HYDIN: variants seen among roughly 807,000 people sequenced by gnomAD.
HYDIN encodes HYDIN axonemal central pair apparatus protein, also known as axonemal central pair apparatus protein HYDIN.
Under a neutral mutation model 403.9 loss-of-function variants are expected in HYDIN, and 132 were observed. That is an observed-to-expected ratio of 0.33 (90% CI 0.28 to 0.38). The LOEUF is 0.38. Ranked by LOEUF, HYDIN falls within the 10% of genes least tolerant of loss-of-function variation. HYDIN has a pLI of 1.00. For missense variants in HYDIN, 2,827 were observed against 5,009.5 expected (o/e 0.56, Z 13.15); for synonymous variants, 1,202 against 1,891.7 (o/e 0.64, Z 9.46).
chr16:70,994,560 G>A (rs1297781572), intron 23 of HYDIN, among the ~76,000 whole-genome samples: 2 of 150,026 alleles, frequency 1.3e-5, no homozygotes, highest in Admixed American at 6.6e-5. Flanking sequence ...ATGTTGGGCT[G>A]GGTGCTAACA....
chr16:70,893,017 A>T (rs1479489283), intron 55 of HYDIN, among the ~76,000 whole-genome samples: 1 of 152,196 alleles, frequency 6.6e-6, no homozygotes, highest in Non-Finnish European at 1.5e-5. Context: ...AAGCTGGCTC[A>T]TGAGACCGGC....
At chr16:71,097,526 G>T (rs895527947) in intron 10 of HYDIN, among the ~76,000 whole-genome samples, 1 of 148,260 alleles carries the variant, frequency 6.7e-6, no homozygotes, top group Non-Finnish European at 1.5e-5. Flanking sequence ...ACATTACTCA[G>T]CTTATCATTT....
chr16:70,844,187 T>C (rs2038037549), intron 75 of HYDIN, among the ~76,000 whole-genome samples: 1 of 131,782 alleles, frequency 7.6e-6, no homozygotes, highest in South Asian at 2.1e-4. Context: ...GTCTAACGTT[T>C]AAGTCTTTAA....
rs1202642372 is a variant in HYDIN at position 70,981,403 on chromosome 16, T to G, written c.4498A>C (p.Arg1500=). The stretch of plus-strand genomic sequence containing the variant: ...TGTGAAGTACTACCTGTGAGGTTCC[T>G]GGGGAGATCGAGGCAGATTTGGGGA... ...IFPQICLDLP[R]NLTANEKYEM... is the part of the protein sequence containing the mutation. Residue 1500 remains arginine (R), a synonymous_variant, in exon 29 of 86, where the codon AGG becomes CGG. Transcript: ENST00000393567. 1 of 1,613,406 alleles carries G rather than the reference T, an allele frequency of 6.2e-7. No homozygotes were observed. Among genetic ancestry groups the G allele is most frequent in the Non-Finnish European group, 8.5e-7 (1 of 1,179,766 alleles).
In HYDIN at chr16:70,923,469, CAA is replaced by C. The variant is rs59968942; in HGVS notation, c.7159-2254_7159-2253del. ...GGCAACAAGAGTGAAACTCCATCTC[CAA>C]AAAAAAAAAAAAAAAAAAGAAAGAA... On this transcript the variant is annotated intron_variant, in intron 45 of 85. Transcript: ENST00000393567. 3.8e-3 allele frequency among the ~76,000 whole-genome samples: 106 copies of C among 28,262 alleles called. 3 individuals carry two copies. The highest frequency in any genetic ancestry group is 0.012 in the African/African-American group (95 of 7,948). The allele number at this position is 28,262 out of a possible 152,430, so 18.5% of individuals were successfully genotyped here.
At chr16:70,967,957 A>T (rs895337612) in intron 36 of HYDIN, among the ~76,000 whole-genome samples, 2 of 151,124 alleles carry the variant, frequency 1.3e-5, no homozygotes, top group Non-Finnish European at 1.5e-5. Flanking sequence ...GCAGAAACAA[A>T]TGTATCATTG....
chr16:70,981,476 G>T lies in HYDIN; in HGVS notation c.4425C>A (p.Ile1475=). The part of the protein sequence containing the change: ...EVFKRSFQIQ[I]AHLDPENITL... ...TGATATTTTCTGGGTCCAGGTGGGC[G>T]ATCTGTATCTGGAAACTCCTTTTAA... is the stretch of plus-strand genomic sequence containing the variant. The change falls in exon 29 of 86, where the codon ATC becomes ATA. Residue 1475 remains isoleucine, a synonymous_variant. Coordinates refer to ENST00000393567, the MANE Select transcript of HYDIN (RefSeq NM_001270974.2). 1 of 1,613,952 alleles carries T rather than the reference G, an allele frequency of 6.2e-7. No homozygotes were observed. The highest frequency in any genetic ancestry group is 8.5e-7 in the Non-Finnish European group (1 of 1,179,972).
intron 18 of HYDIN, among the ~76,000 whole-genome samples, chr16:71,045,015 G>A (rs1228763242): frequency 6.6e-6 from 1 of 151,530 alleles, no homozygotes; most frequent in African/African-American, 2.4e-5. Flanking sequence ...CTTGTTCCTA[G>A]TGTGCATCCT....
chr16:70,974,797 C>T, intron 31 of HYDIN, 127 bp from the exon 32 acceptor site: 2 of 714,848 alleles, frequency 2.8e-6, no homozygotes, highest in East Asian at 2.7e-5. Flanking sequence ...TGGAGAACAA[C>T]AAATGGCTAC....
chr16:71,139,095 G>GA (rs71758936), intron 7 of HYDIN, among the ~76,000 whole-genome samples: 2,415 of 103,572 alleles, frequency 0.023, 61 homozygotes, highest in East Asian at 0.13. Flanking sequence ...AAATAAAGAA[G>GA]AAAAAAAAAA....
At chr16:70,934,159 G>A (rs2077432220) in intron 45 of HYDIN, among the ~76,000 whole-genome samples, 1 of 152,026 alleles carries the variant, frequency 6.6e-6, no homozygotes, top group Admixed American at 6.6e-5. Flanking sequence ...CATTAGATCT[G>A]GAAATGGAGA....
chr16:70,867,083 C>T (rs1268164749), intron 66 of HYDIN, among the ~76,000 whole-genome samples: 1 of 135,440 alleles, frequency 7.4e-6, no homozygotes, highest in Admixed American at 7.3e-5. Context: ...TATTTGCAGA[C>T]AAATAATATG....
intron 17 of HYDIN, among the ~76,000 whole-genome samples, chr16:71,061,672 G>C (rs929746058): frequency 6.6e-6 from 1 of 151,952 alleles, no homozygotes; most frequent in African/African-American, 2.4e-5. Context: ...GCTCAGGTGA[G>C]CAGTGAAGGA....
rs900353679 is a variant in HYDIN at position 70,804,802 on chromosome 16, T to A, written c.*2778A>T. ...GAGTGTGCTGCAACCTGGGTTCGTT[T>A]TTGTTTCTCCCCCTCCCTTCTCCCT... On this transcript the variant is annotated 3_prime_UTR_variant, in exon 86 of 86. Transcript: ENST00000393567. Among the ~76,000 whole-genome samples the A allele has an allele frequency of 5.3e-5, 8 of 152,152 alleles. No individual in the cohort carries two copies. The highest frequency in any genetic ancestry group is 1.0e-4 in the Non-Finnish European group (7 of 68,034).
At chr16:71,065,686 A>G (rs1378106345) in intron 15 of HYDIN, among the ~76,000 whole-genome samples, 2 of 152,146 alleles carry the variant, frequency 1.3e-5, no homozygotes, top group African/African-American at 2.4e-5. Context: ...TAAAATGAGG[A>G]TAATTCTAGG....
intron 5 of HYDIN, among the ~76,000 whole-genome samples, chr16:71,174,218 A>T (rs1028965882): frequency 6.6e-6 from 1 of 152,228 alleles, no homozygotes; most frequent in African/African-American, 2.4e-5. Context: ...CAATGGTATT[A>T]TTATAACGGA....
chr16:71,192,102 G>A (rs2087466172), intron 1 of HYDIN, among the ~76,000 whole-genome samples: 1 of 152,098 alleles, frequency 6.6e-6, no homozygotes. Flanking sequence ...ACCTGCCCCA[G>A]TTCACACAGT....
Position 70,829,620 on chromosome 16 carries a change from G to A in HYDIN, c.14110C>T (p.Gln4704Ter). 6.2e-7 allele frequency: 1 copy of A among 1,612,524 alleles called. No individual in the cohort carries two copies. Residue 4704 changes from glutamine to a stop codon, truncating the protein, a stop_gained and splice_region_variant, in exon 81 of 86, where the codon CAG becomes TAG. Transcript: ENST00000393567. LOFTEE classifies it high-confidence loss of function. The stretch of plus-strand genomic sequence containing the variant: ...GGGGTGGGGGGACCTCAGTCTACCT[G>A]GTGCTTGCGGTTCTCCAAGTTCATG... Reference protein sequence around the residue: ...RTMNLENRKHQGTLFFPLPDG... With the variant: ...RTMNLENRKH
chr16:70,886,996 C>G (rs113738498), intron 58 of HYDIN, among the ~76,000 whole-genome samples: 10,784 of 152,200 alleles, frequency 0.071, 423 homozygotes, highest in Middle Eastern at 0.16. Context: ...GTCCCACCCT[C>G]TTTTGTAACT....
Sources: gnomAD v4.1 joint callset for allele counts (sites outside exome capture counted in the v4.1 genomes callset) on GRCh38, gnomAD v4.1.1 for gene constraint, MANE v1.5 for transcripts, NCBI Gene and HGNC (gene_info 2026-07-23, HGNC 2026-07-21) for gene names.